The following SLC4A7 variants were observed in gnomAD, a reference collection of about 807,000 sequenced individuals.
SLC4A7 encodes solute carrier family 4 member 7, also known as sodium bicarbonate cotransporter 3.
Under a neutral mutation model 137.6 loss-of-function variants are expected in SLC4A7, and 51 were observed. That is an observed-to-expected ratio of 0.37 (90% CI 0.30 to 0.47). The LOEUF (loss-of-function observed/expected upper bound fraction) is 0.47, where lower values mean the gene tolerates loss of function less well. Among genes scored for constraint, SLC4A7 ranks in the 20% least tolerant of loss-of-function variants. The probability of loss-of-function intolerance (pLI) is 1.00; values close to 1 mark genes in which losing one functional copy is unlikely to be tolerated. For synonymous variants in SLC4A7, 542 were observed against 518.6 expected, an observed-to-expected ratio of 1.05 and a Z score of -0.61; for missense variants, 1,247 against 1,525.4, an observed-to-expected ratio of 0.82 and a Z score of 3.04.
At chr3:27,385,765 A>T (rs1264403480) in intron 23 of SLC4A7, 127 bp downstream of exon 23, 1 of 646,348 alleles carries the variant, frequency 1.5e-6, no homozygotes, top group Non-Finnish European at 2.6e-6. Context: ...TACCTACTAC[A>T]CTTTTATAAA....
chr3:27,463,580 T>C (rs753205566), intron 1 of SLC4A7, among the ~76,000 whole-genome samples: 13 of 152,070 alleles, frequency 8.5e-5, no homozygotes, highest in East Asian at 1.9e-4. Context: ...CGGTGGCTAA[T>C]GTATGTAATC....
intron 13 of SLC4A7, among the ~76,000 whole-genome samples, chr3:27,408,482 G>A (rs1303317000): frequency 6.6e-6 from 1 of 152,150 alleles, no homozygotes; most frequent in Non-Finnish European, 1.5e-5. Flanking sequence ...GAAAATTTCA[G>A]TTGTTAGGTT....
chr3:27,426,652 A>G (rs986459324), intron 7 of SLC4A7, among the ~76,000 whole-genome samples: 2 of 152,204 alleles, frequency 1.3e-5, no homozygotes, highest in African/African-American at 4.8e-5. Context: ...AGAAATAATG[A>G]AGAACTCAAC....
chr3:27,424,063 C>A lies in SLC4A7; in HGVS notation c.1240G>T (p.Glu414Ter). Reference protein sequence around the residue: ...IKGNGSGGSRENSTVDFSKVD... With the variant: ...IKGNGSGGSR ...TTGCTGAAGTCAACAGTACTATTTT[C>A]TCTGCTTCCACCACTTCCATTACCT... Residue 414 changes from glutamate (E) to a stop codon, truncating the protein, a stop_gained, in exon 8 of 26, where the codon GAA becomes TAA. Coordinates refer to ENST00000454389, the MANE Select transcript of SLC4A7 (RefSeq NM_001321103.2). LOFTEE classifies it high-confidence loss of function. 1 of 1,603,050 alleles carries A rather than the reference C, an allele frequency of 6.2e-7. No homozygotes were observed. The highest frequency in any genetic ancestry group is 8.5e-7 in the Non-Finnish European group (1 of 1,170,602).
intron 2 of SLC4A7, 48 bp downstream of exon 2, chr3:27,452,369 T>G (rs755872656): frequency 1.7e-6 from 2 of 1,192,538 alleles, no homozygotes; most frequent in Non-Finnish European, 2.4e-6. Flanking sequence ...AAACATTAAT[T>G]AGTAAATTAT....
chr3:27,403,343 C>A lies in SLC4A7; in HGVS notation c.2117G>T (p.Gly706Val). The A allele has an allele frequency of 6.2e-7, 1 of 1,607,816 alleles. No individual in the cohort carries two copies. Among genetic ancestry groups the A allele is most frequent in the Non-Finnish European group, 8.5e-7 (1 of 1,176,068 alleles). ...AATGCACAAAAAAGAAGTCCACAGACCAATACTGGTTCTTAAAGACAGATA... is the reference window on the plus strand; with the variant it reads ...AATGCACAAAAAAGAAGTCCACAGAACAATACTGGTTCTTAAAGACAGATA... ...LSYLSLRTSIGLWTSFLCIVL... is the reference protein window; with the variant it reads ...LSYLSLRTSIVLWTSFLCIVL... The change falls in exon 15 of 26, where the codon GGT becomes GTT. Residue 706 changes from glycine (G) to valine (V), a missense_variant. Physicochemically the swap from Gly to Val is moderately radical, Grantham distance 109. Around this residue, in one of 6 missense-constraint regions of SLC4A7, gnomAD observed 499 missense variants for 664.2 expected, o/e 0.75. Transcript: ENST00000454389.
In SLC4A7 at chr3:27,376,933, C is replaced by T. The variant is rs186962910; in HGVS notation, c.3699-88G>A. 3.1e-4 allele frequency: 161 copies of T among 524,024 alleles called. 1 individual carries two copies. The East Asian group carries it at 5.8e-3, about 19-fold the overall frequency. The allele number at this position is 524,024 out of a possible 1,614,324, so 32.5% of individuals were successfully genotyped here. On this transcript the variant is annotated intron_variant, in intron 25 of 25. Coordinates refer to ENST00000454389, the MANE Select transcript of SLC4A7 (RefSeq NM_001321103.2). ...GCTAACAATGAGTATACTAAACCTTCTGAGATTACTATTAACACTACAAAC... is the reference window on the plus strand; with the variant it reads ...GCTAACAATGAGTATACTAAACCTTTTGAGATTACTATTAACACTACAAAC...
At chr3:27,435,565 C>T (rs190987508) in intron 5 of SLC4A7, among the ~76,000 whole-genome samples, 28 of 152,326 alleles carry the variant, frequency 1.8e-4, no homozygotes, top group African/African-American at 6.5e-4. Flanking sequence ...CTTGGCTAGG[C>T]ACCGTGGCTC....
At chr3:27,466,396 G>A (rs1384085986) in intron 1 of SLC4A7, among the ~76,000 whole-genome samples, 1 of 150,196 alleles carries the variant, frequency 6.7e-6, no homozygotes, top group Non-Finnish European at 1.5e-5. Context: ...AGCCTGCAGT[G>A]AGCCGAGATC....
chr3:27,457,740 T>C (rs1477747915), intron 1 of SLC4A7, among the ~76,000 whole-genome samples: 7 of 152,160 alleles, frequency 4.6e-5, no homozygotes, highest in African/African-American at 1.4e-4. Flanking sequence ...CATTAAACAA[T>C]ATCAAAAATT....
At chr3:27,422,007 T>C (rs1253546189) in intron 8 of SLC4A7, among the ~76,000 whole-genome samples, 1 of 152,182 alleles carries the variant, frequency 6.6e-6, no homozygotes, top group Non-Finnish European at 1.5e-5. Context: ...TGTCACAATC[T>C]TTATCAAACA....
In SLC4A7 at chr3:27,409,351, C is replaced by T; in HGVS notation, c.1941+5G>A. On this transcript the variant is annotated splice_donor_5th_base_variant and intron_variant, in intron 13 of 25. Transcript: ENST00000454389. ...AGCCTGGCCACTACCAATCTTTGTA[C>T]TCACTATTCTGCCTTCTGTAGCTTC... 2 of 1,597,292 alleles carry T rather than the reference C, an allele frequency of 1.3e-6. No homozygotes were observed. Among genetic ancestry groups the T allele is most frequent in the Non-Finnish European group, 1.7e-6 (2 of 1,174,058 alleles).
In SLC4A7 at chr3:27,385,923, T is replaced by C; in HGVS notation, c.3461A>G (p.Lys1154Arg). ...DDLMPESKKK[K>R]EDDKKKKEKE... ...CTCTTTTTTCTTTTTGTCATCTTCT[T>C]TCTTTTTCTTACTTTCTGGCATAAG... The change falls in exon 23 of 26, where the codon AAA becomes AGA. Residue 1154 changes from lysine to arginine, a missense_variant. This residue lies in a region of SLC4A7 where 290 missense variants were observed against 323.8 expected (regional missense o/e 0.90). Coordinates refer to ENST00000454389, the MANE Select transcript of SLC4A7 (RefSeq NM_001321103.2). The C allele has an allele frequency of 3.2e-6, 5 of 1,580,430 alleles. No homozygotes were observed. Among genetic ancestry groups the C allele is most frequent in the Non-Finnish European group, 4.3e-6 (5 of 1,153,220 alleles).
chr3:27,410,625 A>G (rs1055241847), intron 12 of SLC4A7, among the ~76,000 whole-genome samples: 1 of 152,214 alleles, frequency 6.6e-6, no homozygotes, highest in Admixed American at 6.5e-5. Context: ...CATCAAATTG[A>G]TAATTACTTA....
In SLC4A7 at chr3:27,385,973, C is replaced by G. The variant is rs1206367412; in HGVS notation, c.3411G>C (p.Lys1137Asn). 2 of 1,609,518 alleles carry G rather than the reference C, an allele frequency of 1.2e-6. No homozygotes were observed. The highest frequency in any genetic ancestry group is 1.7e-5 in the Admixed American group (1 of 59,290). ...VRKLMDLCFT[K>N]RELSWLDDLM... is the part of the protein sequence containing the mutation. Reference sequence around the variant, plus strand: ...GATCATCAAGCCAACTAAGTTCTCTCTTCGTGAAACACAGGTCCATGAGTT... The same window carrying G: ...GATCATCAAGCCAACTAAGTTCTCTGTTCGTGAAACACAGGTCCATGAGTT... Residue 1137 changes from lysine (K) to asparagine (N), a missense_variant, in exon 23 of 26, where the codon AAG (lysine) becomes AAC (asparagine). Transcript: ENST00000454389.
chr3:27,477,187 C>T (rs868106137), intron 1 of SLC4A7, among the ~76,000 whole-genome samples: 2 of 152,224 alleles, frequency 1.3e-5, no homozygotes, highest in Non-Finnish European at 2.9e-5. Flanking sequence ...CATACTCTTC[C>T]TCTAATCCTA....
intron 11 of SLC4A7, among the ~76,000 whole-genome samples, chr3:27,416,738 A>C (rs995909116): frequency 6.6e-6 from 1 of 152,232 alleles, no homozygotes; most frequent in Non-Finnish European, 1.5e-5. Context: ...AAAGCAACAA[A>C]GATACAATAC....
At position 27,458,982 on chromosome 3, in the gene SLC4A7, G is replaced by A. The variant is rs183348506; in HGVS notation, c.61-6484C>T. Among the ~76,000 whole-genome samples, 359 of 152,164 alleles carry A rather than the reference G, an allele frequency of 2.4e-3. 2 individuals are homozygous for A. The highest frequency in any genetic ancestry group is 8.3e-3 in the African/African-American group (343 of 41,496). ...TGCACTCCAGCCTGGACAACAGAGC[G>A]AGATTCCATCTAAAAAATAAAAAAT... On this transcript the variant is annotated intron_variant, in intron 1 of 25. Coordinates refer to ENST00000454389, the MANE Select transcript of SLC4A7 (RefSeq NM_001321103.2).
intron 1 of SLC4A7, 34 bp downstream of exon 1, chr3:27,484,033 C>A: frequency 7.3e-7 from 1 of 1,378,136 alleles, no homozygotes; most frequent in Non-Finnish European, 9.4e-7. Flanking sequence ...CGCCCTCCCC[C>A]TGCGGAGGAG....
Sources: gnomAD v4.1 joint callset for allele counts (sites outside exome capture counted in the v4.1 genomes callset) on GRCh38, gnomAD v4.1.1 for gene constraint, gnomAD v4.1.1 regional missense constraint, MANE v1.5 for transcripts, NCBI Gene and HGNC (gene_info 2026-07-23, HGNC 2026-07-21) for gene names.